HELQ: variants seen among roughly 807,000 people sequenced by gnomAD.
HELQ encodes the protein helicase, POLQ like.
Under a neutral mutation model 111.6 loss-of-function variants are expected in HELQ, and 77 were observed. The observed-to-expected ratio is 0.69, with a 90% CI of 0.57 to 0.83. The LOEUF is 0.83. Ranked by LOEUF, HELQ falls within the 40% of genes least tolerant of loss-of-function variation. The pLI, the probability that HELQ is intolerant of heterozygous loss-of-function variation, is 0.00. For synonymous variants in HELQ, 438 were observed against 454.7 expected (o/e 0.96, Z 0.47); for missense variants, 1,200 against 1,288.5 (o/e 0.93, Z 1.05).
At chr4:83,427,956 T>C (rs1387886538) in intron 12 of HELQ, among the ~76,000 whole-genome samples, 1 of 152,186 alleles carries the variant, frequency 6.6e-6, no homozygotes, top group Non-Finnish European at 1.5e-5. Flanking sequence ...CATTTCCATA[T>C]GTACCCCAAA....
chr4:83,443,185 C>A (rs913065622), intron 6 of HELQ, among the ~76,000 whole-genome samples: 128 of 151,834 alleles, frequency 8.4e-4, no homozygotes, highest in Non-Finnish European at 1.6e-4. Flanking sequence ...CAAAACATGT[C>A]TCACTAAAAT....
At position 83,436,993 on chromosome 4, in the gene HELQ, A is replaced by C; in HGVS notation, c.1913T>G (p.Phe638Cys). The stretch of plus-strand genomic sequence containing the variant: ...GCCACTGTGGTGATAGGCAACTCCA[A>C]ATGGGATAGTGCGCTTTAAAACAGG... The part of the protein sequence containing the change: ...LCPVLKRTIP[F>C]GVAYHHSGLT... The change falls in exon 9 of 18, where the codon TTT (phenylalanine) becomes TGT (cysteine). Residue 638 changes from phenylalanine to cysteine, a missense_variant. By Grantham distance (205) the Phe-to-Cys change is radical. Transcript: ENST00000295488. 1 of 1,614,194 alleles carries C rather than the reference A, an allele frequency of 6.2e-7. No homozygotes were observed. The highest frequency in any genetic ancestry group is 8.5e-7 in the Non-Finnish European group (1 of 1,180,010).
intron 14 of HELQ, 149 bp downstream of exon 14, chr4:83,425,845 G>A (rs987544434): frequency 1.9e-6 from 1 of 526,128 alleles, no homozygotes; most frequent in African/African-American, 1.9e-5. Flanking sequence ...TATGTTTTAA[G>A]TAGTAAAATG....
intron 1 of HELQ, among the ~76,000 whole-genome samples, chr4:83,454,588 A>G (rs1578111785): frequency 6.6e-6 from 1 of 151,724 alleles, no homozygotes; most frequent in African/African-American, 2.4e-5. Context: ...TAAGAAAAAA[A>G]AATTTTTTTT....
intron 17 of HELQ, among the ~76,000 whole-genome samples, chr4:83,411,157 C>CAAAAAAA (rs35424076): frequency 1.5e-5 from 1 of 67,152 alleles, no homozygotes; most frequent in African/African-American, 4.7e-5. Context: ...GACCTTGTCT[C>CAAAAAAA]AAAAAAAAAA....
At chr4:83,455,360 C>T in intron 1 of HELQ, 37 bp downstream of exon 1, 1 of 1,596,796 alleles carries the variant, frequency 6.3e-7, no homozygotes, top group South Asian at 1.1e-5. Flanking sequence ...GGAAGGATGC[C>T]AAAAGTTTGC....
At chr4:83,415,145 A>G (rs551575586) in intron 17 of HELQ, among the ~76,000 whole-genome samples, 1 of 152,354 alleles carries the variant, frequency 6.6e-6, no homozygotes, top group South Asian at 2.1e-4. Context: ...GAGATCAAGA[A>G]GGAAACAATC....
rs1578059403 is a variant in HELQ at position 83,410,063 on chromosome 4, C to A, written c.3199-2503G>T. 2.0e-5 allele frequency among the ~76,000 whole-genome samples: 3 copies of A among 152,016 alleles called. No homozygotes were observed. The East Asian group carries it at 5.8e-4, about 29-fold the overall frequency. ...GCCAGAAGTTAGAGACCAGCCTGGG[C>A]AATGCAGTGAGACCAAGCCTCTACA... On this transcript the variant is annotated intron_variant, in intron 17 of 17. Coordinates refer to ENST00000295488, the MANE Select transcript of HELQ (RefSeq NM_133636.5).
intron 17 of HELQ, among the ~76,000 whole-genome samples, chr4:83,414,421 A>G (rs116516166): frequency 0.018 from 2,719 of 152,282 alleles, 74 homozygotes; most frequent in African/African-American, 0.062. Context: ...AATTCTTTAA[A>G]GTTCTGTTGA....
rs13141136 is a variant in HELQ at position 83,448,938 on chromosome 4, A to G, written c.1036T>C (p.Leu346=). 0.41 allele frequency: 655,360 copies of G among 1,598,946 alleles called. 141,247 individuals carry two copies. Among genetic ancestry groups the G allele is most frequent in the East Asian group, 0.64 (28,783 of 44,710 alleles). The change falls in exon 3 of 18, where the codon TTG becomes CTG. Residue 346 remains leucine (L), a synonymous_variant. Coordinates refer to ENST00000295488, the MANE Select transcript of HELQ (RefSeq NM_133636.5). ...TTTTTTCTTTCTTGCACAGAATTCAATGTTAAACAAGTATGTTGCCATTCT... is the reference window on the plus strand; with the variant it reads ...TTTTTTCTTTCTTGCACAGAATTCAGTGTTAAACAAGTATGTTGCCATTCT... ...LYEWQHTCLT[L]NSVQERKNLI... is the part of the protein sequence containing the mutation.
At chr4:83,451,695 A>G (rs1304123138) in intron 2 of HELQ, among the ~76,000 whole-genome samples, 2 of 152,086 alleles carry the variant, frequency 1.3e-5, no homozygotes, top group African/African-American at 4.8e-5. Context: ...AACAAAAACA[A>G]AAAGATGAGT....
At chr4:83,431,861 GA>G (rs1488784137) in intron 10 of HELQ, 93 bp from the exon 11 acceptor site, 1 of 547,632 alleles carries the variant, frequency 1.8e-6, no homozygotes, top group Non-Finnish European at 2.9e-6. Flanking sequence ...AAATCTTGTG[GA>G]GCCAGAAGGA....
chr4:83,407,963 A>G (rs984593793), intron 17 of HELQ, among the ~76,000 whole-genome samples: 2 of 152,216 alleles, frequency 1.3e-5, no homozygotes, highest in African/African-American at 4.8e-5. Flanking sequence ...AGTATGCTTT[A>G]AAAAGCTACC....
At chr4:83,424,160 AC>A (rs1719711160) in intron 14 of HELQ, among the ~76,000 whole-genome samples, 1 of 152,216 alleles carries the variant, frequency 6.6e-6, no homozygotes, top group Non-Finnish European at 1.5e-5. Context: ...TGACTATATT[AC>A]ATTAAATGTA....
intron 2 of HELQ, among the ~76,000 whole-genome samples, chr4:83,451,506 C>CA (rs56764890): frequency 0.093 from 13,781 of 147,824 alleles, 2,038 homozygotes; most frequent in African/African-American, 0.32. Context: ...ACTAAAAATA[C>CA]AAAAAAAAAA....
chr4:83,439,855 T>A lies in HELQ; in HGVS notation c.1808+8A>T. On this transcript the variant is annotated splice_region_variant and intron_variant, in intron 8 of 17. Transcript: ENST00000295488. ...ATAAAACAGGCTATTTAAAAAATATTAACATACTTGCTTAAAAATTTGCAT... is the reference window on the plus strand; with the variant it reads ...ATAAAACAGGCTATTTAAAAAATATAAACATACTTGCTTAAAAATTTGCAT... The A allele has an allele frequency of 6.5e-7, 1 of 1,539,292 alleles. No homozygotes were observed.
At chr4:83,436,785 T>C in intron 9 of HELQ, 73 bp downstream of exon 9, 1 of 1,503,486 alleles carries the variant, frequency 6.7e-7, no homozygotes, top group Non-Finnish European at 9.0e-7. Context: ...TGAGAAAGCA[T>C]AAAACAACAA....
chr4:83,452,881 T>C (rs2110016985), intron 2 of HELQ, among the ~76,000 whole-genome samples: 1 of 152,324 alleles, frequency 6.6e-6, no homozygotes, highest in Non-Finnish European at 1.5e-5. Context: ...AAGCTACCAA[T>C]ATAATTATTG....
intron 15 of HELQ, 26 bp from the exon 16 acceptor site, chr4:83,418,232 A>C (rs777854783): frequency 7.5e-7 from 1 of 1,337,488 alleles, no homozygotes; most frequent in South Asian, 1.4e-5. Context: ...AAATATATAA[A>C]ATTTAAATTT....
Sources: allele counts gnomAD v4.1 joint callset (sites outside exome capture counted in the v4.1 genomes callset), GRCh38; gene constraint gnomAD v4.1.1; transcripts MANE v1.5; gene names NCBI Gene and HGNC (gene_info 2026-07-23, HGNC 2026-07-21).